MSI2: variants seen among roughly 807,000 people sequenced by gnomAD.
MSI2 encodes the protein RNA-binding protein Musashi homolog 2.
Under a neutral mutation model 45.6 loss-of-function variants are expected in MSI2, and 17 were observed. The observed-to-expected ratio is 0.37, with a 90% CI of 0.26 to 0.56. MSI2 has a LOEUF of 0.56. Among genes scored for constraint, MSI2 ranks in the 20% least tolerant of loss-of-function variants. The pLI, the probability that MSI2 is intolerant of heterozygous loss-of-function variation, is 0.77. For synonymous variants in MSI2, 156 were observed against 158.2 expected (o/e 0.99, Z 0.11); for missense variants, 293 against 444.2 (o/e 0.66, Z 3.06).
At position 57,650,890 on chromosome 17, in the gene MSI2, G is replaced by A. The variant is rs111401800; in HGVS notation, c.728-1209G>A. ...CCTTGACGGTGCATGTCTTCCTCTC[G>A]TCCTGTAGAAATTCCTTGTTTAAAA... On this transcript the variant is annotated intron_variant, in intron 10 of 13. Transcript: ENST00000284073. Among the ~76,000 whole-genome samples the A allele has an allele frequency of 5.4e-3, 823 of 152,120 alleles. 3 individuals carry two copies. Among genetic ancestry groups the A allele is most frequent in the African/African-American group, 0.014 (581 of 41,480 alleles).
chr17:57,257,014 C>T (rs780551762), intron 1 of MSI2, 84 bp from the exon 2 acceptor site: 30 of 1,602,044 alleles, frequency 1.9e-5, no homozygotes, highest in Non-Finnish European at 2.4e-5. Flanking sequence ...CTCCCCCCCG[C>T]TTTCCTTTTA....
chr17:57,427,201 A>T (rs773751273), intron 6 of MSI2, among the ~76,000 whole-genome samples: 37 of 151,440 alleles, frequency 2.4e-4, no homozygotes, highest in Non-Finnish European at 4.9e-4. Flanking sequence ...GTTCAAGACC[A>T]GCCTGGCCAA....
At chr17:57,405,458 T>C (rs1265785679) in intron 6 of MSI2, among the ~76,000 whole-genome samples, 1 of 152,204 alleles carries the variant, frequency 6.6e-6, no homozygotes, top group Non-Finnish European at 1.5e-5. Flanking sequence ...AAGTCAGTAA[T>C]GTAGAAAGTA....
At chr17:57,675,682 G>A (rs1159232184) in intron 12 of MSI2, among the ~76,000 whole-genome samples, 2 of 152,298 alleles carry the variant, frequency 1.3e-5, no homozygotes, top group East Asian at 3.9e-4. Flanking sequence ...GGGAGGTGGT[G>A]TGGGGATCCA....
At chr17:57,363,542 A>G (rs143358577) in intron 5 of MSI2, among the ~76,000 whole-genome samples, 24 of 152,350 alleles carry the variant, frequency 1.6e-4, no homozygotes, top group African/African-American at 5.5e-4. Flanking sequence ...GTTCGAGACC[A>G]GCATGGCCAA....
chr17:57,307,287 T>C (rs553861704), intron 5 of MSI2, among the ~76,000 whole-genome samples: 22 of 152,192 alleles, frequency 1.4e-4, no homozygotes, highest in Non-Finnish European at 2.6e-4. Context: ...CAGGTTACTC[T>C]CCATGGGCAG....
intron 5 of MSI2, chr17:57,267,465 C>T (rs1036755246): frequency 6.6e-6 from 1 of 152,080 alleles, no homozygotes; most frequent in African/African-American, 2.4e-5. Flanking sequence ...TTTTGGCAGA[C>T]AGGTGAGCCT....
chr17:57,488,791 T>C (rs1361259060), intron 6 of MSI2, among the ~76,000 whole-genome samples: 4 of 151,088 alleles, frequency 2.6e-5, no homozygotes, highest in Admixed American at 6.6e-5. Flanking sequence ...GCCATTGCAC[T>C]CCAGCTTGGG....
chr17:57,589,672 T>C (rs1417351275), intron 7 of MSI2, among the ~76,000 whole-genome samples: 1 of 152,234 alleles, frequency 6.6e-6, no homozygotes, highest in Non-Finnish European at 1.5e-5. Context: ...CTGAGCCATA[T>C]GGCCACCAAA....
Position 57,589,397 on chromosome 17 carries a change from A to C in MSI2, c.455-7471A>C, listed in dbSNP as rs8066437. ...CCAAGGCATGTGATGCCACCTCCCC[A>C]TGCCTGCCATGCATCTGTGCACACT... On this transcript the variant is annotated intron_variant, in intron 7 of 13. Coordinates refer to ENST00000284073, the MANE Select transcript of MSI2 (RefSeq NM_138962.4). 5.9e-3 allele frequency among the ~76,000 whole-genome samples: 897 copies of C among 152,224 alleles called. 8 individuals are homozygous for C. The highest frequency in any genetic ancestry group is 0.021 in the African/African-American group (859 of 41,516).
rs183124052 is a variant in MSI2, at chr17:57,681,578, A to G, written c.*2061A>G. The G allele has an allele frequency of 1.2e-3, 228 of 183,502 alleles. 1 individual carries two copies. Among genetic ancestry groups the G allele is most frequent in the Non-Finnish European group, 1.2e-3 (104 of 86,354 alleles). 11.4% of individuals were successfully genotyped at this position (183,502 alleles called of 1,614,324 possible). A position where few individuals can be genotyped will look rare whatever the true frequency, so the allele number is the denominator to read the frequency against. On this transcript the variant is annotated 3_prime_UTR_variant, in exon 14 of 14. Coordinates refer to ENST00000284073, the MANE Select transcript of MSI2 (RefSeq NM_138962.4). ...AAAGACTCCAAAATGCTAACTCAGA[A>G]AGAAAGAAAAAACCCGTTTTCAATT...
At chr17:57,388,684 T>C (rs1024666725) in intron 5 of MSI2, among the ~76,000 whole-genome samples, 2 of 152,190 alleles carry the variant, frequency 1.3e-5, no homozygotes, top group Non-Finnish European at 2.9e-5. Flanking sequence ...GGAGACTTCT[T>C]GCTTTGTCAC....
intron 5 of MSI2, among the ~76,000 whole-genome samples, chr17:57,363,773 AAAC>A (rs139222290): frequency 0.83 from 123,982 of 149,954 alleles, 51,250 homozygotes; most frequent in Middle Eastern, 0.88. Flanking sequence ...CAACAACAAC[AAAC>A]AACAACAACA....
intron 10 of MSI2, among the ~76,000 whole-genome samples, chr17:57,642,146 A>G (rs572942940): frequency 6.6e-6 from 1 of 152,230 alleles, no homozygotes; most frequent in South Asian, 2.1e-4. Context: ...CTCCACCTCA[A>G]TGGGTAGTAA....
chr17:57,681,819 TA>T lies in MSI2; in HGVS notation c.*2315del, dbSNP rs11454286. On this transcript the variant is annotated 3_prime_UTR_variant, in exon 14 of 14. Coordinates refer to ENST00000284073, the MANE Select transcript of MSI2 (RefSeq NM_138962.4). ...AAAACAACAAAACATAAGTTTTATTTAAAAAAAAAAAAAGAAAGAAAAAATA... is the reference window on the plus strand; with the variant it reads ...AAAACAACAAAACATAAGTTTTATTTAAAAAAAAAAAAGAAAGAAAAAATA... The T allele has an allele frequency of 0.03, 5,068 of 168,938 alleles. No individual in the cohort carries two copies. The highest frequency in any genetic ancestry group is 0.08 in the East Asian group (775 of 9,736). 10.5% of individuals were successfully genotyped at this position (168,938 alleles called of 1,614,324 possible). A position where few individuals can be genotyped will look rare whatever the true frequency, so the allele number is the denominator to read the frequency against.
At chr17:57,424,037 T>C (rs1184330846) in intron 6 of MSI2, among the ~76,000 whole-genome samples, 1 of 152,224 alleles carries the variant, frequency 6.6e-6, no homozygotes, top group African/African-American at 2.4e-5. Flanking sequence ...ATACATCTCC[T>C]GCAGGGGCAA....
intron 5 of MSI2, among the ~76,000 whole-genome samples, chr17:57,272,118 T>G (rs1219380898): frequency 6.6e-6 from 1 of 152,200 alleles, no homozygotes; most frequent in Non-Finnish European, 1.5e-5. Flanking sequence ...TCCTTCTGCA[T>G]GCTTGCATGG....
intron 5 of MSI2, among the ~76,000 whole-genome samples, chr17:57,323,600 A>G (rs1014994419): frequency 1.3e-5 from 2 of 152,218 alleles, no homozygotes; most frequent in African/African-American, 4.8e-5. Context: ...GAGGGCCTGC[A>G]TCTGCCTGTG....
chr17:57,508,317 A>G (rs2086281048), intron 6 of MSI2, among the ~76,000 whole-genome samples: 1 of 151,798 alleles, frequency 6.6e-6, no homozygotes, highest in African/African-American at 2.4e-5. Flanking sequence ...GACTTCCCGG[A>G]CCTCCAGCCC....
Sources: allele counts gnomAD v4.1 joint callset (sites outside exome capture counted in the v4.1 genomes callset), GRCh38; gene constraint gnomAD v4.1.1; transcripts MANE v1.5; gene names NCBI Gene and HGNC (gene_info 2026-07-23, HGNC 2026-07-21).